Variants in FLYWCH2 observed in about 807,000 individuals in gnomAD.
FLYWCH2 encodes FLYWCH family member 2.
In FLYWCH2, 2 loss-of-function variants were observed where a neutral mutation model predicts 6.0. The observed-to-expected ratio is 0.33, with a 90% CI of 0.14 to 1.04. FLYWCH2 has a LOEUF of 1.04. Ranked by LOEUF, FLYWCH2 falls within the 50% of genes least tolerant of loss-of-function variation. The probability of loss-of-function intolerance (pLI) is 0.45; values close to 1 mark genes in which losing one functional copy is unlikely to be tolerated. For synonymous variants in FLYWCH2, 87 were observed against 79.3 expected (o/e 1.10, Z -0.52); for missense variants, 192 against 183.4 (o/e 1.05, Z -0.27).
intron 1 of FLYWCH2, among the ~76,000 whole-genome samples, chr16:2,886,559 T>C (rs1319932540): frequency 7.2e-6 from 1 of 139,478 alleles, no homozygotes; most frequent in East Asian, 2.0e-4. Flanking sequence ...TTTGCTCTTG[T>C]TGTCCCGGCT....
rs7204314 is a variant in FLYWCH2, at chr16:2,899,174, A to G, written c.*25A>G. The G allele has an allele frequency of 5.0e-3, 7,880 of 1,584,370 alleles. 305 individuals are homozygous for G. The African/African-American group carries it at 0.089, about 18-fold the overall frequency. On this transcript the variant is annotated 3_prime_UTR_variant, in exon 4 of 4. Transcript: ENST00000396958. ...ACCTTGACAACAGGCGCATCCTCCC[A>G]GGCCACCAACCCAGCCATAGGCTCT... is the stretch of plus-strand genomic sequence containing the variant.
intron 1 of FLYWCH2, among the ~76,000 whole-genome samples, chr16:2,886,647 G>C (rs944817797): frequency 7.0e-6 from 1 of 143,494 alleles, no homozygotes; most frequent in South Asian, 2.1e-4. Context: ...TCAGCCTCCT[G>C]AGTAGCTGGG....
Position 2,891,752 on chromosome 16 carries a change from C to G in FLYWCH2, c.-199-3468C>G, listed in dbSNP as rs1199528295. ...TGTTTATTTTTTATAGTGATGAGGT[C>G]TCGCTATGTTGCCCAGGCTGGTCTC... is the stretch of plus-strand genomic sequence containing the variant. On this transcript the variant is annotated intron_variant, in intron 1 of 3. Transcript: ENST00000396958. 2.0e-5 allele frequency among the ~76,000 whole-genome samples: 3 copies of G among 151,714 alleles called. No homozygotes were observed. In the East Asian group the frequency reaches 5.9e-4, roughly 30 times the overall value.
intron 1 of FLYWCH2, among the ~76,000 whole-genome samples, chr16:2,894,453 A>T (rs2069794542): frequency 6.6e-6 from 1 of 152,162 alleles, no homozygotes; most frequent in African/African-American, 2.4e-5. Flanking sequence ...GCCGTAGCCA[A>T]TCAGCGTGTG....
chr16:2,894,353 A>G (rs1171182876), intron 1 of FLYWCH2, among the ~76,000 whole-genome samples: 2 of 152,188 alleles, frequency 1.3e-5, no homozygotes, highest in African/African-American at 4.8e-5. Context: ...ACGTGGGGTC[A>G]GGGAACCTGG....
At position 2,899,273 on chromosome 16, in the gene FLYWCH2, T is replaced by A; in HGVS notation, c.*124T>A. The A allele has an allele frequency of 1.8e-6, 1 of 566,848 alleles. No homozygotes were observed. Among genetic ancestry groups the A allele is most frequent in the East Asian group, 3.3e-5 (1 of 29,940 alleles). The allele number at this position is 566,848 out of a possible 1,614,324, so 35.1% of individuals were successfully genotyped here. A position where few individuals can be genotyped will look rare whatever the true frequency, so the allele number is the denominator to read the frequency against. On this transcript the variant is annotated 3_prime_UTR_variant, in exon 4 of 4. Transcript: ENST00000396958. ...AACATTGTGTGATTTCTTTTCTTTT[T>A]TTTTTTTTTTTTAGATCAAGTATAA...
intron 2 of FLYWCH2, among the ~76,000 whole-genome samples, 186 bp from the exon 3 acceptor site, chr16:2,896,166 G>T (rs1596339327): frequency 6.6e-6 from 1 of 152,182 alleles, no homozygotes. Flanking sequence ...GTTGGATGGG[G>T]CTGACGTTCC....
Position 2,896,707 on chromosome 16 carries a change from G to T in FLYWCH2, c.258G>T (p.Glu86Asp), listed in dbSNP as rs1157708644. Residue 86 changes from glutamate (E) to aspartate (D), a missense_variant, in exon 3 of 4, where the codon GAG becomes GAT. Coordinates refer to ENST00000396958, the MANE Select transcript of FLYWCH2 (RefSeq NM_138439.3). ...LAKALLQTHPEAQRAIEAAPQ... is the reference protein window; with the variant it reads ...LAKALLQTHPDAQRAIEAAPQ... ...AGGCCCTCCTCCAGACCCACCCCGA[G>T]GCCCAGCGGGCCATTGAGGCAGCCC... 6 of 1,612,430 alleles carry T rather than the reference G, an allele frequency of 3.7e-6. No individual in the cohort carries two copies. Among genetic ancestry groups the T allele is most frequent in the African/African-American group, 1.3e-5 (1 of 74,920 alleles).
chr16:2,893,847 C>T lies in FLYWCH2; in HGVS notation c.-199-1373C>T, dbSNP rs1343200232. ...TGGAGACGGGGTTTCAACATGTTAGCCAGGATGGTCTCGATCTCCTGACCT... is the reference window on the plus strand; with the variant it reads ...TGGAGACGGGGTTTCAACATGTTAGTCAGGATGGTCTCGATCTCCTGACCT... On this transcript the variant is annotated intron_variant, in intron 1 of 3. Transcript: ENST00000396958. Among the ~76,000 whole-genome samples the T allele has an allele frequency of 2.0e-5, 3 of 151,774 alleles. No homozygotes were observed. The East Asian group carries it at 5.8e-4, about 29-fold the overall frequency.
intron 1 of FLYWCH2, among the ~76,000 whole-genome samples, chr16:2,891,497 C>T (rs1205391841): frequency 6.6e-6 from 1 of 152,106 alleles, no homozygotes; most frequent in Non-Finnish European, 1.5e-5. Flanking sequence ...CTCCGCCTCC[C>T]GGGTTCACGC....
In FLYWCH2 at chr16:2,896,650, C is replaced by G; in HGVS notation, c.201C>G (p.Ser67=). 1 of 1,613,560 alleles carries G rather than the reference C, an allele frequency of 6.2e-7. No individual in the cohort carries two copies. The highest frequency in any genetic ancestry group is 8.5e-7 in the Non-Finnish European group (1 of 1,179,914). ...AKRKGVHCVM[S]LGVPGPATLA... is the part of the protein sequence containing the mutation. ...GCAAGGGTGTGCACTGTGTCATGTC[C>G]CTGGGGGTGCCCGGCCCCGCCACCC... Residue 67 remains serine, a synonymous_variant, in exon 3 of 4, where the codon TCC becomes TCG. Coordinates refer to ENST00000396958, the MANE Select transcript of FLYWCH2 (RefSeq NM_138439.3).
chr16:2,892,894 A>T (rs1474812017), intron 1 of FLYWCH2, among the ~76,000 whole-genome samples: 3 of 132,828 alleles, frequency 2.3e-5, no homozygotes, highest in Non-Finnish European at 3.3e-5. Context: ...TATATAATGT[A>T]TATATGTCAT....
intron 1 of FLYWCH2, among the ~76,000 whole-genome samples, chr16:2,892,213 G>A (rs8048185): frequency 0.44 from 65,358 of 147,594 alleles, 14,347 homozygotes; most frequent in Middle Eastern, 0.49. Flanking sequence ...ACTATTTACA[G>A]GCCAGGTGTG....
chr16:2,896,692 C>G lies in FLYWCH2; in HGVS notation c.243C>G (p.Leu81=), dbSNP rs2150851151. 6.2e-7 allele frequency: 1 copy of G among 1,612,984 alleles called. No homozygotes were observed. Among genetic ancestry groups the G allele is most frequent in the African/African-American group, 1.3e-5 (1 of 75,034 alleles). The stretch of plus-strand genomic sequence containing the variant: ...CCGCCACCCTTGCCAAGGCCCTCCT[C>G]CAGACCCACCCCGAGGCCCAGCGGG... ...PGPATLAKAL[L]QTHPEAQRAI... The change falls in exon 3 of 4, where the codon CTC becomes CTG. Residue 81 remains leucine (L), a synonymous_variant. Transcript: ENST00000396958.
At chr16:2,886,237 G>C (rs147941487) in intron 1 of FLYWCH2, among the ~76,000 whole-genome samples, 2 of 151,804 alleles carry the variant, frequency 1.3e-5, no homozygotes, top group Non-Finnish European at 2.9e-5. Context: ...CTGCAGTGCA[G>C]TGTAGTGCAG....
chr16:2,897,471 C>T (rs935505542), intron 3 of FLYWCH2, among the ~76,000 whole-genome samples: 1 of 152,110 alleles, frequency 6.6e-6, no homozygotes, highest in Non-Finnish European at 1.5e-5. Flanking sequence ...CTGTGCTTTG[C>T]TGTGGGAGTG....
intron 1 of FLYWCH2, among the ~76,000 whole-genome samples, chr16:2,884,445 G>A (rs1039999117): frequency 1.3e-5 from 2 of 150,924 alleles, no homozygotes; most frequent in Non-Finnish European, 3.0e-5. Flanking sequence ...AACACAGGCC[G>A]GGCGCGGTGG....
chr16:2,895,094 C>T (rs2069803350), intron 1 of FLYWCH2, 126 bp from the exon 2 acceptor site: 1 of 152,176 alleles, frequency 6.6e-6, no homozygotes, highest in African/African-American at 2.4e-5. Context: ...CCAGTTGACC[C>T]CCAAAAGACA....
chr16:2,896,496 C>A lies in FLYWCH2; in HGVS notation c.47C>A (p.Ala16Asp), dbSNP rs756239510. The change falls in exon 3 of 4, where the codon GCC (alanine) becomes GAC (aspartate). Residue 16 changes from alanine to aspartate, a missense_variant. By Grantham distance (126) the Ala-to-Asp change is moderately radical. Coordinates refer to ENST00000396958, the MANE Select transcript of FLYWCH2 (RefSeq NM_138439.3). ...GAGCAGGAGGGTGAGAGTGTGAAGG[C>A]CAGCCAGGAGCCATCCCCCAAGCCA... ...PSEQEGESVK[A>D]SQEPSPKPGT... The A allele has an allele frequency of 2.4e-5, 39 of 1,613,884 alleles. No individual in the cohort carries two copies. Among genetic ancestry groups the A allele is most frequent in the Non-Finnish European group, 3.2e-5 (38 of 1,179,958 alleles).
Sources: allele counts gnomAD v4.1 joint callset (sites outside exome capture counted in the v4.1 genomes callset), GRCh38; gene constraint gnomAD v4.1.1; transcripts MANE v1.5; gene names NCBI Gene and HGNC (gene_info 2026-07-23, HGNC 2026-07-21).